The following PRIMPOL variants were observed in gnomAD, a reference collection of about 807,000 sequenced individuals.
The protein encoded by PRIMPOL is DNA-directed primase/polymerase protein.
Under a neutral mutation model 63.6 loss-of-function variants are expected in PRIMPOL, and 54 were observed. The ratio of observed to expected loss-of-function variants is 0.85; its 90% CI spans 0.68 to 1.07. PRIMPOL has a LOEUF of 1.07. Ranked by LOEUF, PRIMPOL falls within the 50% of genes least tolerant of loss-of-function variation. The pLI is 0.00. For missense variants in PRIMPOL, 610 were observed against 648.3 expected, an observed-to-expected ratio of 0.94 and a Z score of 0.64; for synonymous variants, 197 against 220.2, an observed-to-expected ratio of 0.89 and a Z score of 0.93.
At chr4:184,680,955 T>C (rs72703518) in intron 8 of PRIMPOL, among the ~76,000 whole-genome samples, 15,435 of 152,198 alleles carry the variant, frequency 0.1, 936 homozygotes, top group Middle Eastern at 0.17. Context: ...TGGAGAAGTG[T>C]GAAAAGCAAC....
chr4:184,692,216 G>T (rs1040356074), intron 13 of PRIMPOL, among the ~76,000 whole-genome samples: 5 of 152,104 alleles, frequency 3.3e-5, no homozygotes, highest in Non-Finnish European at 7.4e-5. Flanking sequence ...GCTCAGGCCT[G>T]TAATCCCAGC....
rs756146187 is a variant in PRIMPOL at position 184,665,909 on chromosome 4, G to A, written c.409-8G>A. Reference sequence around the variant, plus strand: ...TATAAATTATTTGCATTTTACTTGTGTTTTTAGTATGTGTGTAAAGCACTT... The same window carrying A: ...TATAAATTATTTGCATTTTACTTGTATTTTTAGTATGTGTGTAAAGCACTT... On this transcript the variant is annotated splice_region_variant and splice_polypyrimidine_tract_variant and intron_variant, in intron 5 of 13. Coordinates refer to ENST00000314970, the MANE Select transcript of PRIMPOL (RefSeq NM_152683.4). 4.6e-6 allele frequency: 7 copies of A among 1,523,136 alleles called. No individual in the cohort carries two copies. The highest frequency in any genetic ancestry group is 1.3e-5 in the South Asian group (1 of 78,186). The allele number at this position is 1,523,136 out of a possible 1,614,324, so 94.4% of individuals were successfully genotyped here.
In PRIMPOL at chr4:184,678,174, CTAT is replaced by C. The variant is rs1217339523; in HGVS notation, c.845-57_845-55del. On this transcript the variant is annotated intron_variant, in intron 7 of 13. Transcript: ENST00000314970. ...TATATAAAAACTTAATATTTGCTGA[CTAT>C]GAAACTAATAACAGAAAACATGCTT... The C allele has an allele frequency of 1.4e-5, 16 of 1,121,562 alleles. No homozygotes were observed. In the African/African-American group the frequency reaches 2.4e-4, roughly 17 times the overall value. 69.5% of individuals were successfully genotyped at this position (1,121,562 alleles called of 1,614,324 possible).
At chr4:184,687,683 C>T (rs1041344333) in intron 11 of PRIMPOL, among the ~76,000 whole-genome samples, 21 of 152,336 alleles carry the variant, frequency 1.4e-4, no homozygotes, top group African/African-American at 4.3e-4. Flanking sequence ...CGCACGATCT[C>T]GGCTCACTGC....
At chr4:184,672,957 G>T (rs914371109) in intron 7 of PRIMPOL, among the ~76,000 whole-genome samples, 11 of 151,986 alleles carry the variant, frequency 7.2e-5, no homozygotes, top group African/African-American at 2.7e-4. Flanking sequence ...GCTAGGCCCT[G>T]GTCTCAGAGC....
At position 184,672,217 on chromosome 4, in the gene PRIMPOL, G is replaced by A; in HGVS notation, c.601G>A (p.Gly201Ser). 1.2e-6 allele frequency: 2 copies of A among 1,612,984 alleles called. No individual in the cohort carries two copies. The highest frequency in any genetic ancestry group is 1.7e-6 in the Non-Finnish European group (2 of 1,179,816). Residue 201 changes from glycine (G) to serine (S), a missense_variant, in exon 7 of 14, where the codon GGC (glycine) becomes AGC (serine). By Grantham distance (56) the Gly-to-Ser change is moderately conservative (BLOSUM62 0). Around this residue, in one of 3 missense-constraint regions of PRIMPOL, gnomAD observed 444 missense variants for 456.4 expected, o/e 0.97. Transcript: ENST00000314970. ...TTTGCAGCCTGCTCTTGACTTGCTT[G>A]GCAGTGAAGATGATGATAGCGCTCC... ...KILQPALDLLGSEDDDSAPET... is the reference protein window; with the variant it reads ...KILQPALDLLSSEDDDSAPET...
At chr4:184,652,801 G>A (rs1744933983) in intron 2 of PRIMPOL, among the ~76,000 whole-genome samples, 1 of 151,608 alleles carries the variant, frequency 6.6e-6, no homozygotes, top group South Asian at 2.1e-4. Context: ...TCAGGGTAGA[G>A]GGAGAATTTG....
intron 6 of PRIMPOL, among the ~76,000 whole-genome samples, chr4:184,668,951 T>G (rs2150079087): frequency 6.6e-6 from 1 of 152,192 alleles, no homozygotes; most frequent in South Asian, 2.1e-4. Flanking sequence ...CAGCCTCATC[T>G]CCCGCCACCC....
intron 2 of PRIMPOL, among the ~76,000 whole-genome samples, chr4:184,654,074 CT>C (rs1396759249): frequency 6.6e-6 from 1 of 152,180 alleles, no homozygotes; most frequent in African/African-American, 2.4e-5. Context: ...GAGTCTTAAG[CT>C]GTTTTTTCAT....
chr4:184,663,821 C>A (rs956547909), intron 5 of PRIMPOL, among the ~76,000 whole-genome samples: 6 of 152,144 alleles, frequency 3.9e-5, no homozygotes, highest in Non-Finnish European at 7.4e-5. Flanking sequence ...AAATTAATTT[C>A]ATTTATTGGT....
At chr4:184,681,605 C>T (rs1755645519) in intron 8 of PRIMPOL, among the ~76,000 whole-genome samples, 1 of 151,446 alleles carries the variant, frequency 6.6e-6, no homozygotes, top group African/African-American at 2.4e-5. Flanking sequence ...GATGGAATCT[C>T]ACTCTGTCTC....
intron 9 of PRIMPOL, among the ~76,000 whole-genome samples, chr4:184,682,830 A>G (rs1193131658): frequency 6.6e-6 from 1 of 152,004 alleles, no homozygotes; most frequent in Non-Finnish European, 1.5e-5. Flanking sequence ...CGGGAGGATC[A>G]CTTGAGCCCA....
In PRIMPOL at chr4:184,652,053, G is replaced by C. The variant is rs536811806; in HGVS notation, c.-107G>C. ...TCCCAGAGGTGACAGAACTTGATCT[G>C]GGCCTGGAAGGGGAAGAATTCGGGA... is the stretch of plus-strand genomic sequence containing the variant. On this transcript the variant is annotated 5_prime_UTR_variant, in exon 2 of 14. Transcript: ENST00000314970. 17 of 152,438 alleles carry C rather than the reference G, an allele frequency of 1.1e-4. No homozygotes were observed. Among genetic ancestry groups the C allele is most frequent in the African/African-American group, 4.1e-4 (17 of 41,582 alleles). The allele number at this position is 152,438 out of a possible 1,614,324, so 9.4% of individuals were successfully genotyped here. A position where few individuals can be genotyped will look rare whatever the true frequency, so the allele number is the denominator to read the frequency against.
At chr4:184,662,347 C>T (rs1748590901) in intron 5 of PRIMPOL, among the ~76,000 whole-genome samples, 1 of 152,084 alleles carries the variant, frequency 6.6e-6, no homozygotes, top group African/African-American at 2.4e-5. Flanking sequence ...CTTATCTTGT[C>T]CCTTTCAAAA....
At chr4:184,671,164 TA>T (rs1423518518) in intron 6 of PRIMPOL, among the ~76,000 whole-genome samples, 1 of 152,216 alleles carries the variant, frequency 6.6e-6, no homozygotes, top group Non-Finnish European at 1.5e-5. Flanking sequence ...GTTCTTAGAA[TA>T]AATGTTGAAG....
intron 5 of PRIMPOL, among the ~76,000 whole-genome samples, chr4:184,665,112 A>G (rs564910479): frequency 1.9e-4 from 29 of 152,370 alleles, no homozygotes; most frequent in African/African-American, 6.7e-4. Flanking sequence ...TTCATTTTGC[A>G]AATGAGAAAA....
intron 4 of PRIMPOL, among the ~76,000 whole-genome samples, chr4:184,660,369 C>A (rs564346501): frequency 6.6e-6 from 1 of 151,700 alleles, no homozygotes; most frequent in East Asian, 1.9e-4. Context: ...TTAGTAGAGA[C>A]GGGATTTCAT....
At chr4:184,679,961 A>G (rs1307257667) in intron 8 of PRIMPOL, among the ~76,000 whole-genome samples, 9 of 152,324 alleles carry the variant, frequency 5.9e-5, no homozygotes, top group African/African-American at 2.2e-4. Flanking sequence ...GACTGCCGTT[A>G]TAAGGAAATG....
At chr4:184,666,148 A>G in intron 6 of PRIMPOL, 84 bp downstream of exon 6, 1 of 1,062,212 alleles carries the variant, frequency 9.4e-7, no homozygotes, top group Non-Finnish European at 1.3e-6. Flanking sequence ...GTGTGTACTT[A>G]TCAAGTTTTA....
Sources: allele counts gnomAD v4.1 joint callset (sites outside exome capture counted in the v4.1 genomes callset), GRCh38; gene constraint gnomAD v4.1.1; regional missense constraint gnomAD v4.1.1; transcripts MANE v1.5; gene names NCBI Gene and HGNC (gene_info 2026-07-23, HGNC 2026-07-21).